The following CDCP1 variants were observed in gnomAD, a reference collection of about 807,000 sequenced individuals.
CDCP1 encodes the protein CUB domain-containing protein 1.
CDCP1 carries 29 observed loss-of-function variants against 60.2 expected under a neutral mutation model. The ratio of observed to expected loss-of-function variants is 0.48; its 90% CI spans 0.36 to 0.66. The LOEUF is 0.66. Ranked by LOEUF, CDCP1 falls within the 30% of genes least tolerant of loss-of-function variation. CDCP1 has a pLI of 0.00. For missense variants in CDCP1, 876 were observed against 1,074.3 expected, an observed-to-expected ratio of 0.82 and a Z score of 2.58; for synonymous variants, 387 against 431.1, an observed-to-expected ratio of 0.90 and a Z score of 1.27.
chr3:45,145,794 C>A (rs1462233627), intron 1 of CDCP1, among the ~76,000 whole-genome samples: 2 of 152,186 alleles, frequency 1.3e-5, no homozygotes, highest in African/African-American at 4.8e-5. Context: ...TCTTCCCACA[C>A]CCTGCCTGGG....
chr3:45,120,718 G>T (rs1698867539), intron 1 of CDCP1, among the ~76,000 whole-genome samples: 1 of 152,150 alleles, frequency 6.6e-6, no homozygotes. Flanking sequence ...TAGTCACTGT[G>T]TTCAGGCCAG....
chr3:45,145,080 T>C (rs1008966797), intron 1 of CDCP1, among the ~76,000 whole-genome samples: 2 of 152,178 alleles, frequency 1.3e-5, no homozygotes, highest in African/African-American at 2.4e-5. Flanking sequence ...TGTCACCTGA[T>C]GTTGGAGAAT....
intron 4 of CDCP1, among the ~76,000 whole-genome samples, chr3:45,097,180 G>T (rs372740854): frequency 1.3e-5 from 2 of 151,946 alleles, no homozygotes; most frequent in Middle Eastern, 3.4e-3. Flanking sequence ...GGTGGTGGGC[G>T]CCTGTAATCC....
At chr3:45,133,889 T>C (rs1699148351) in intron 1 of CDCP1, among the ~76,000 whole-genome samples, 1 of 152,038 alleles carries the variant, frequency 6.6e-6, no homozygotes, top group Non-Finnish European at 1.5e-5. Context: ...TCCTCCTCCA[T>C]CTCCGATGTC....
At chr3:45,131,028 G>A (rs1307584363) in intron 1 of CDCP1, among the ~76,000 whole-genome samples, 1 of 152,028 alleles carries the variant, frequency 6.6e-6, no homozygotes, top group African/African-American at 2.4e-5. Context: ...CACCATGCCT[G>A]GCTAATTTTT....
In CDCP1 at chr3:45,099,575, A is replaced by G. The variant is rs190982522; in HGVS notation, c.1025-4007T>C. On this transcript the variant is annotated intron_variant, in intron 4 of 8. Transcript: ENST00000296129. ...AATGTTCCTGAAATATTTTGTGATG[A>G]TTCCCTTCCCTCTATTTTTTCTCTG... 1.7e-4 allele frequency among the ~76,000 whole-genome samples: 26 copies of G among 150,294 alleles called. No individual in the cohort carries two copies. In the East Asian group the frequency reaches 5.2e-3, roughly 30 times the overall value.
intron 6 of CDCP1, among the ~76,000 whole-genome samples, chr3:45,092,671 G>C (rs1698316147): frequency 6.6e-6 from 1 of 152,124 alleles, no homozygotes; most frequent in Non-Finnish European, 1.5e-5. Flanking sequence ...AATGTTCTTG[G>C]AGCAACTTGT....
At chr3:45,127,734 C>G (rs899005415) in intron 1 of CDCP1, among the ~76,000 whole-genome samples, 1 of 152,194 alleles carries the variant, frequency 6.6e-6, no homozygotes. Flanking sequence ...TTCCCCACCC[C>G]ACTCCTTCCA....
chr3:45,103,230 C>T (rs187166013), intron 4 of CDCP1, among the ~76,000 whole-genome samples: 5 of 152,132 alleles, frequency 3.3e-5, no homozygotes, highest in East Asian at 1.9e-4. Context: ...TGGAATTGTA[C>T]GGTACATACT....
At chr3:45,110,201 T>C (rs1698663174) in intron 4 of CDCP1, 3 of 1,311,892 alleles carry the variant, frequency 2.3e-6, no homozygotes, top group African/African-American at 3.0e-5. Flanking sequence ...TCTAGAAAAA[T>C]GACCTTTCAA....
chr3:45,129,848 A>G (rs1371404459), intron 1 of CDCP1, among the ~76,000 whole-genome samples: 3 of 152,194 alleles, frequency 2.0e-5, no homozygotes, highest in African/African-American at 7.2e-5. Context: ...GGGTGGTTAA[A>G]CAAAAATCCA....
intron 4 of CDCP1, 100 bp downstream of exon 4, chr3:45,110,373 C>T: frequency 5.3e-6 from 8 of 1,502,540 alleles, no homozygotes; most frequent in Non-Finnish European, 7.1e-6. Context: ...TTTCAGAAGC[C>T]ACAGATGAGA....
At chr3:45,094,504 G>T (rs901857134) in intron 5 of CDCP1, among the ~76,000 whole-genome samples, 2 of 152,134 alleles carry the variant, frequency 1.3e-5, no homozygotes, top group East Asian at 3.9e-4. Flanking sequence ...CAAGTTATCT[G>T]CCTGCCTCGG....
At chr3:45,128,621 A>G (rs538478012) in intron 1 of CDCP1, among the ~76,000 whole-genome samples, 1 of 152,376 alleles carries the variant, frequency 6.6e-6, no homozygotes, top group African/African-American at 2.4e-5. Context: ...CAGTTTATCA[A>G]CACGGGACTG....
chr3:45,111,067 G>A (rs1224227940), intron 3 of CDCP1, among the ~76,000 whole-genome samples: 1 of 152,074 alleles, frequency 6.6e-6, no homozygotes, highest in Non-Finnish European at 1.5e-5. Flanking sequence ...AGAGGGGAGA[G>A]CCCTGACTTA....
chr3:45,146,419 G>T (rs1274923694), upstream of CDCP1: 3 of 661,292 alleles, frequency 4.5e-6, no homozygotes, highest in African/African-American at 3.9e-5. Context: ...CCCGAGCCCC[G>T]CCCTGCGCAG....
intron 2 of CDCP1, among the ~76,000 whole-genome samples, chr3:45,115,852 T>TGCCACCAC (rs201209413): frequency 0.022 from 3,387 of 152,254 alleles, 126 homozygotes; most frequent in African/African-American, 0.076. Flanking sequence ...TACAGGCACA[T>TGCCACCAC]GCCACCACGC....
intron 4 of CDCP1, among the ~76,000 whole-genome samples, chr3:45,103,597 T>C (rs917243769): frequency 1.1e-4 from 17 of 152,040 alleles, no homozygotes; most frequent in Non-Finnish European, 2.2e-4. Context: ...TGTTGGGAGG[T>C]GGTGCCTTTA....
chr3:45,142,209 C>T (rs1699302569), intron 1 of CDCP1, among the ~76,000 whole-genome samples: 1 of 152,100 alleles, frequency 6.6e-6, no homozygotes, highest in African/African-American at 2.4e-5. Context: ...TTATCATCTC[C>T]CACTGTCCCA....
Sources: allele counts gnomAD v4.1 joint callset (sites outside exome capture counted in the v4.1 genomes callset), GRCh38; gene constraint gnomAD v4.1.1; transcripts MANE v1.5; gene names NCBI Gene and HGNC (gene_info 2026-07-23, HGNC 2026-07-21).